Variants in DCBLD1 observed in about 807,000 individuals in gnomAD.
DCBLD1 encodes the protein discoidin, CUB and LCCL domain containing 1.
DCBLD1 carries 57 observed loss-of-function variants against 71.5 expected under a neutral mutation model. The ratio of observed to expected loss-of-function variants is 0.80; its 90% CI spans 0.64 to 0.99. The LOEUF is 0.99. Among genes scored for constraint, DCBLD1 ranks in the 50% least tolerant of loss-of-function variants. The pLI is 0.00. For synonymous variants in DCBLD1, 380 were observed against 363.8 expected (o/e 1.04, Z -0.51); for missense variants, 891 against 923.5 (o/e 0.96, Z 0.46).
At chr6:117,532,145 G>T in intron 5 of DCBLD1, 115 bp from the exon 6 acceptor site, 2 of 1,430,796 alleles carry the variant, frequency 1.4e-6, no homozygotes, top group Non-Finnish European at 1.9e-6. Context: ...GCCATTGGAA[G>T]GCTTTATTCA....
chr6:117,541,072 C>T, intron 11 of DCBLD1, 47 bp downstream of exon 11: 2 of 1,584,956 alleles, frequency 1.3e-6, no homozygotes, highest in Non-Finnish European at 1.7e-6. Flanking sequence ...TAACTGGTAA[C>T]CCACCCAATA....
intron 14 of DCBLD1, among the ~76,000 whole-genome samples, chr6:117,567,292 C>G (rs927913561): frequency 6.6e-6 from 1 of 152,040 alleles, no homozygotes; most frequent in South Asian, 2.1e-4. Flanking sequence ...GCTAATAGAT[C>G]TAAAATTTAA....
chr6:117,533,227 T>A (rs958774595), intron 6 of DCBLD1, among the ~76,000 whole-genome samples: 1 of 152,208 alleles, frequency 6.6e-6, no homozygotes, highest in Non-Finnish European at 1.5e-5. Flanking sequence ...GTTCCAAGAA[T>A]AAGGCACAAG....
intron 14 of DCBLD1, among the ~76,000 whole-genome samples, chr6:117,568,195 G>A (rs1458965830): frequency 1.3e-5 from 2 of 151,864 alleles, no homozygotes; most frequent in African/African-American, 4.8e-5. Flanking sequence ...GTGAGATCCT[G>A]GCTCCAAAAA....
intron 1 of DCBLD1, among the ~76,000 whole-genome samples, chr6:117,496,262 A>G (rs1415248699): frequency 2.6e-5 from 4 of 151,798 alleles, no homozygotes; most frequent in Admixed American, 6.5e-5. Context: ...ATTATTATCC[A>G]TATTCCTTTC....
intron 4 of DCBLD1, among the ~76,000 whole-genome samples, chr6:117,522,000 CTG>C (rs557629224): frequency 9.2e-5 from 14 of 152,292 alleles, no homozygotes; most frequent in African/African-American, 3.4e-4. Flanking sequence ...CGAGTCTAGA[CTG>C]TATTTTTTTT....
downstream of DCBLD1, among the ~76,000 whole-genome samples, chr6:117,550,568 T>G (rs1779411725): frequency 6.6e-6 from 1 of 152,248 alleles, no homozygotes; most frequent in East Asian, 1.9e-4. Context: ...GAAGCTTTGC[T>G]CTGGGTTTTA....
intron 2 of DCBLD1, among the ~76,000 whole-genome samples, chr6:117,508,431 T>C (rs1777908059): frequency 6.6e-6 from 1 of 152,196 alleles, no homozygotes; most frequent in Non-Finnish European, 1.5e-5. Flanking sequence ...GATTCAGGCA[T>C]TGTGTCACAC....
chr6:117,556,050 T>C (rs1369607494), intron 14 of DCBLD1, among the ~76,000 whole-genome samples: 1 of 152,188 alleles, frequency 6.6e-6, no homozygotes, highest in Admixed American at 6.5e-5. Flanking sequence ...CTTACACCGC[T>C]AATAAAAGTA....
chr6:117,544,385 TA>T, intron 12 of DCBLD1, 142 bp from the exon 13 acceptor site: 1 of 627,190 alleles, frequency 1.6e-6, no homozygotes, highest in Non-Finnish European at 2.5e-6. Flanking sequence ...TATGATTTTC[TA>T]AAGCACATGG....
intron 6 of DCBLD1, 119 bp from the exon 7 acceptor site, chr6:117,537,066 T>C: frequency 7.5e-6 from 7 of 939,440 alleles, no homozygotes; most frequent in Non-Finnish European, 1.2e-5. Flanking sequence ...AGGGGTGTTG[T>C]GAGGATCATG....
chr6:117,508,398 C>T (rs182584161), intron 2 of DCBLD1, among the ~76,000 whole-genome samples: 2 of 152,208 alleles, frequency 1.3e-5, no homozygotes, highest in African/African-American at 2.4e-5. Flanking sequence ...AAATATCTTA[C>T]ACTCTGAGGA....
rs554235332 is a variant in DCBLD1 at position 117,547,989 on chromosome 6, G to A, written c.1698G>A (p.Glu566=). Residue 566 remains glutamate (E), a synonymous_variant, in exon 15 of 15, where the codon GAG becomes GAA. Coordinates refer to ENST00000338728, the MANE Select transcript of DCBLD1 (RefSeq NM_001366458.2). ...TCCGGCCCATGGACACGGATGCCGAGGAGGCAGGGGTGAGCACCGATGCCG... is the reference window on the plus strand; with the variant it reads ...TCCGGCCCATGGACACGGATGCCGAAGAGGCAGGGGTGAGCACCGATGCCG... ...STFRPMDTDA[E]EAGVSTDAGG... 285 of 1,550,544 alleles carry A rather than the reference G, an allele frequency of 1.8e-4. 1 individual carries two copies. The African/African-American group carries it at 3.1e-3, about 17-fold the overall frequency.
At position 117,503,971 on chromosome 6, in the gene DCBLD1, A is replaced by G; in HGVS notation, c.317A>G (p.Asp106Gly). 6.2e-7 allele frequency: 1 copy of G among 1,614,012 alleles called. No homozygotes were observed. The highest frequency in any genetic ancestry group is 8.5e-7 in the Non-Finnish European group (1 of 1,179,900). ...TATCTTCTCTTCACCAGCTCTTCAG[A>G]TCAATATGGTAAGAAAAGAGAACTA... ...SDYLLFTSSSDQYGPYCGSMT... is the reference protein window; with the variant it reads ...SDYLLFTSSSGQYGPYCGSMT... Residue 106 changes from aspartate to glycine, a missense_variant, in exon 2 of 15, where the codon GAT becomes GGT. Physicochemically the swap from Asp to Gly is moderately conservative, Grantham distance 94 (BLOSUM62 -1). Transcript: ENST00000338728.
Position 117,482,868 on chromosome 6 carries a change from G to A in DCBLD1, c.87G>A (p.Pro29=), listed in dbSNP as rs1384328371. The A allele has an allele frequency of 1.3e-5, 16 of 1,190,858 alleles. No individual in the cohort carries two copies. Among genetic ancestry groups the A allele is most frequent in the Non-Finnish European group, 1.7e-5 (16 of 961,000 alleles). The allele number at this position is 1,190,858 out of a possible 1,614,324, so 73.8% of individuals were successfully genotyped here. The change falls in exon 1 of 15, where the codon CCG becomes CCA. Residue 29 remains proline (P), a synonymous_variant. Transcript: ENST00000338728. The part of the protein sequence containing the change: ...LLALLLAVSA[P]LRLQAEELGD... ...CTTTGCTGCTCGCGGTCTCCGCCCC[G>A]CTCCGGCTGCAGGCGGAGGAGCTGG...
At chr6:117,505,238 A>G (rs1379808810) in intron 2 of DCBLD1, among the ~76,000 whole-genome samples, 2 of 152,184 alleles carry the variant, frequency 1.3e-5, no homozygotes, top group Non-Finnish European at 2.9e-5. Context: ...TGACACTTCC[A>G]GGGATGCTGA....
intron 14 of DCBLD1, among the ~76,000 whole-genome samples, chr6:117,564,619 G>T (rs1312841134): frequency 2.0e-5 from 3 of 152,070 alleles, no homozygotes; most frequent in African/African-American, 7.2e-5. Context: ...AAGTGAGTCA[G>T]TTAAAAGATA....
chr6:117,484,920 A>G (rs899416027), intron 1 of DCBLD1: 3 of 152,160 alleles, frequency 2.0e-5, no homozygotes, highest in Non-Finnish European at 4.4e-5. Context: ...AAAGTTTTAA[A>G]AAAGTGTCCA....
intron 14 of DCBLD1, among the ~76,000 whole-genome samples, chr6:117,545,911 G>A (rs1457190144): frequency 6.6e-6 from 1 of 152,166 alleles, no homozygotes; most frequent in African/African-American, 2.4e-5. Flanking sequence ...CTGGTACAGA[G>A]GGGCTGAAAG....
Sources: gnomAD v4.1 joint callset for allele counts (sites outside exome capture counted in the v4.1 genomes callset) on GRCh38, gnomAD v4.1.1 for gene constraint, MANE v1.5 for transcripts, NCBI Gene and HGNC (gene_info 2026-07-23, HGNC 2026-07-21) for gene names.